The following TRAPPC9 variants were observed in gnomAD, a reference collection of about 807,000 sequenced individuals.
TRAPPC9 encodes trafficking protein particle complex subunit 9.
TRAPPC9 carries 83 observed loss-of-function variants against 124.0 expected under a neutral mutation model. The observed-to-expected ratio is 0.67, with a 90% CI of 0.56 to 0.80. The LOEUF is 0.80. TRAPPC9 is among the 30% of genes least tolerant of loss of function. TRAPPC9 has a pLI of 0.00. For missense variants in TRAPPC9, 1,302 were observed against 1,508.3 expected, an observed-to-expected ratio of 0.86 and a Z score of 2.27; for synonymous variants, 638 against 617.5, an observed-to-expected ratio of 1.03 and a Z score of -0.49.
intron 13 of TRAPPC9, among the ~76,000 whole-genome samples, chr8:140,285,075 C>T (rs1000418303): frequency 6.6e-6 from 1 of 152,146 alleles, no homozygotes; most frequent in Non-Finnish European, 1.5e-5. Context: ...CATATAAACC[C>T]AAAAGTCTGA....
At chr8:140,215,707 G>C (rs776042491) in intron 17 of TRAPPC9, among the ~76,000 whole-genome samples, 1 of 151,118 alleles carries the variant, frequency 6.6e-6, no homozygotes, top group Non-Finnish European at 1.5e-5. Context: ...CACAGACGCG[G>C]CGAACTTGGG....
chr8:140,261,706 G>A (rs912833528), intron 15 of TRAPPC9, among the ~76,000 whole-genome samples: 2 of 152,132 alleles, frequency 1.3e-5, no homozygotes, highest in African/African-American at 4.8e-5. Context: ...TGCCTGTTGG[G>A]ATGGCTTTTC....
intron 16 of TRAPPC9, among the ~76,000 whole-genome samples, chr8:140,240,767 C>G (rs773029075): frequency 6.6e-6 from 1 of 152,060 alleles, no homozygotes; most frequent in Non-Finnish European, 1.5e-5. Flanking sequence ...CTCCAACTCC[C>G]GGACTCAAGT....
At chr8:140,309,166 T>C (rs184546820) in intron 10 of TRAPPC9, among the ~76,000 whole-genome samples, 31 of 152,360 alleles carry the variant, frequency 2.0e-4, no homozygotes, top group African/African-American at 6.7e-4. Context: ...TACTTTTCAA[T>C]GTACTGTTTG....
intron 9 of TRAPPC9, among the ~76,000 whole-genome samples, chr8:140,340,360 A>G (rs2132053981): frequency 6.6e-6 from 1 of 152,334 alleles, no homozygotes; most frequent in South Asian, 2.1e-4. Context: ...CTAACATTTC[A>G]CCAGAGAGAT....
intron 21 of TRAPPC9, among the ~76,000 whole-genome samples, chr8:139,786,966 G>T (rs1435004655): frequency 2.0e-5 from 3 of 152,102 alleles, no homozygotes; most frequent in African/African-American, 4.8e-5. Flanking sequence ...GGTGGTGACG[G>T]TTTCACGGGT....
intron 15 of TRAPPC9, among the ~76,000 whole-genome samples, chr8:140,266,793 G>A (rs1273037295): frequency 2.6e-5 from 4 of 151,740 alleles, no homozygotes; most frequent in Non-Finnish European, 4.4e-5. Context: ...CCGGGAGGCG[G>A]AGCTTGCAGT....
At chr8:140,343,038 C>A (rs1314787500) in intron 9 of TRAPPC9, among the ~76,000 whole-genome samples, 1 of 152,138 alleles carries the variant, frequency 6.6e-6, no homozygotes, top group Non-Finnish European at 1.5e-5. Flanking sequence ...AGCAAAATTC[C>A]AAAATCCAGC....
chr8:140,299,148 C>G (rs965931111), intron 11 of TRAPPC9, among the ~76,000 whole-genome samples: 3 of 152,180 alleles, frequency 2.0e-5, no homozygotes, highest in African/African-American at 7.2e-5. Context: ...GGGCAGGGGA[C>G]GAGTTCCTGG....
intron 21 of TRAPPC9, among the ~76,000 whole-genome samples, chr8:139,756,180 C>G (rs555160347): frequency 2.7e-5 from 3 of 112,494 alleles, no homozygotes; most frequent in African/African-American, 4.1e-5. Context: ...GACAGCAGGT[C>G]GCAGGAGGAG....
chr8:139,762,904 A>G (rs554684287), intron 21 of TRAPPC9, among the ~76,000 whole-genome samples: 1 of 152,158 alleles, frequency 6.6e-6, no homozygotes, highest in Admixed American at 6.5e-5. Context: ...TTGCCTGGTG[A>G]TGGGAGGTGG....
At chr8:139,784,642 T>C (rs1204016781) in intron 21 of TRAPPC9, among the ~76,000 whole-genome samples, 4 of 132,138 alleles carry the variant, frequency 3.0e-5, no homozygotes, top group Non-Finnish European at 6.4e-5. Flanking sequence ...TATATATATA[T>C]ATAAATCAAC....
chr8:140,163,586 G>T (rs2061785633), intron 17 of TRAPPC9, among the ~76,000 whole-genome samples: 2 of 152,236 alleles, frequency 1.3e-5, no homozygotes, highest in South Asian at 4.1e-4. Flanking sequence ...GGACCAGACA[G>T]GGGAACGCTG....
At chr8:140,154,835 A>G (rs922914436) in intron 17 of TRAPPC9, among the ~76,000 whole-genome samples, 1 of 152,254 alleles carries the variant, frequency 6.6e-6, no homozygotes, top group Non-Finnish European at 1.5e-5. Flanking sequence ...TGTCCAGCAC[A>G]TGGCTGGCAC....
Position 140,362,022 on chromosome 8 carries a change from C to G in TRAPPC9, c.1352-1829G>C, listed in dbSNP as rs149058603. Among the ~76,000 whole-genome samples, 896 of 152,290 alleles carry G rather than the reference C, an allele frequency of 5.9e-3. 6 individuals carry two copies. Among genetic ancestry groups the G allele is most frequent in the Non-Finnish European group, 0.01 (714 of 68,036 alleles). On this transcript the variant is annotated intron_variant, in intron 8 of 22. Coordinates refer to ENST00000438773, the MANE Select transcript of TRAPPC9 (RefSeq NM_001160372.4). The stretch of plus-strand genomic sequence containing the variant: ...TGAGCTCTTCCCTCAGCACTCTGCC[C>G]TGCACAGCTGACCAGTCCCTCTTCT...
At chr8:140,155,402 A>C (rs1587822009) in intron 17 of TRAPPC9, among the ~76,000 whole-genome samples, 1 of 152,230 alleles carries the variant, frequency 6.6e-6, no homozygotes, top group Non-Finnish European at 1.5e-5. Context: ...GCAGGACGCC[A>C]CAGCCACCAC....
chr8:140,180,411 A>T (rs1208290116), intron 17 of TRAPPC9, among the ~76,000 whole-genome samples: 1 of 152,120 alleles, frequency 6.6e-6, no homozygotes, highest in African/African-American at 2.4e-5. Context: ...ATAATAGTAT[A>T]TGGAGGTTTT....
chr8:139,839,471 G>A (rs1373595645), intron 21 of TRAPPC9, among the ~76,000 whole-genome samples: 2 of 152,210 alleles, frequency 1.3e-5, no homozygotes, highest in African/African-American at 2.4e-5. Context: ...CCGTCTCTGC[G>A]GGGATGCGGA....
intron 17 of TRAPPC9, among the ~76,000 whole-genome samples, chr8:140,123,519 G>A (rs1276661078): frequency 1.3e-5 from 2 of 152,074 alleles, no homozygotes; most frequent in African/African-American, 4.8e-5. Flanking sequence ...ACTCTGCCAT[G>A]GGCATCTGGG....
Sources: allele counts gnomAD v4.1 joint callset (sites outside exome capture counted in the v4.1 genomes callset), GRCh38; gene constraint gnomAD v4.1.1; transcripts MANE v1.5; gene names NCBI Gene and HGNC (gene_info 2026-07-23, HGNC 2026-07-21).